CACNA2D3: variants seen among roughly 807,000 people sequenced by gnomAD.
CACNA2D3 encodes the protein calcium voltage-gated channel auxiliary subunit alpha2delta 3.
A neutral mutation model predicts 160.6 loss-of-function variants in CACNA2D3; 60 were observed. That is an observed-to-expected ratio of 0.37 (90% CI 0.30 to 0.46). CACNA2D3 has a LOEUF of 0.46. Among genes scored for constraint, CACNA2D3 ranks in the 20% least tolerant of loss-of-function variants. The probability of loss-of-function intolerance (pLI) is 1.00; values close to 1 mark genes in which losing one functional copy is unlikely to be tolerated. For missense variants in CACNA2D3, 1,205 were observed against 1,365.0 expected (o/e 0.88, Z 1.85); for synonymous variants, 558 against 492.9 (o/e 1.13, Z -1.75).
At chr3:55,058,074 A>G (rs1704409591) in intron 35 of CACNA2D3, among the ~76,000 whole-genome samples, 1 of 152,174 alleles carries the variant, frequency 6.6e-6, no homozygotes, top group African/African-American at 2.4e-5. Flanking sequence ...TCTCTCTTCA[A>G]ACGTCTTCCT....
intron 11 of CACNA2D3, among the ~76,000 whole-genome samples, chr3:54,678,397 A>G (rs1700279875): frequency 6.6e-6 from 1 of 152,124 alleles, no homozygotes. Context: ...CTGAAATTCT[A>G]ACCACACCTG....
At chr3:54,439,653 G>A (rs56027715) in intron 4 of CACNA2D3, among the ~76,000 whole-genome samples, 2 of 152,114 alleles carry the variant, frequency 1.3e-5, no homozygotes, top group South Asian at 2.1e-4. Flanking sequence ...GTGCTACCAC[G>A]CCTGGTTCAA....
At chr3:54,766,953 C>T (rs1043733903) in intron 13 of CACNA2D3, among the ~76,000 whole-genome samples, 1 of 149,128 alleles carries the variant, frequency 6.7e-6, no homozygotes, top group African/African-American at 2.5e-5. Context: ...AAAGAAAAAG[C>T]AAAAACAAGA....
intron 27 of CACNA2D3, among the ~76,000 whole-genome samples, chr3:54,943,203 TAAAAAA>T (rs34708598): frequency 1.4e-5 from 2 of 142,118 alleles, no homozygotes; most frequent in Non-Finnish European, 3.1e-5. Context: ...CTATCTCTGG[TAAAAAA>T]AAAAAAAATG....
chr3:54,509,608 C>T (rs950833136), intron 5 of CACNA2D3, among the ~76,000 whole-genome samples: 24 of 152,114 alleles, frequency 1.6e-4, no homozygotes, highest in Admixed American at 6.5e-5. Flanking sequence ...TCTGTTGGTA[C>T]CTACAGTCCT....
chr3:54,782,931 A>G (rs1411798616), intron 13 of CACNA2D3, among the ~76,000 whole-genome samples: 1 of 152,202 alleles, frequency 6.6e-6, no homozygotes, highest in African/African-American at 2.4e-5. Flanking sequence ...ATTATGGGGC[A>G]GGTAAAACGC....
intron 2 of CACNA2D3, among the ~76,000 whole-genome samples, chr3:54,221,868 A>C (rs1056532674): frequency 6.6e-6 from 1 of 151,764 alleles, no homozygotes; most frequent in East Asian, 1.9e-4. Context: ...TATTTTTTTG[A>C]GATGAGGCAT....
chr3:54,740,881 T>A (rs900206634), intron 11 of CACNA2D3, among the ~76,000 whole-genome samples: 1 of 152,208 alleles, frequency 6.6e-6, no homozygotes, highest in Admixed American at 6.5e-5. Context: ...GAGAATGATT[T>A]GGGCAGAATC....
chr3:54,683,480 G>A (rs1700390305), intron 11 of CACNA2D3, among the ~76,000 whole-genome samples: 1 of 152,224 alleles, frequency 6.6e-6, no homozygotes, highest in African/African-American at 2.4e-5. Flanking sequence ...TGTTAGCCCT[G>A]TGACAGTGGA....
chr3:54,813,058 G>C (rs930926484), intron 13 of CACNA2D3, among the ~76,000 whole-genome samples: 8 of 152,158 alleles, frequency 5.3e-5, no homozygotes, highest in African/African-American at 1.9e-4. Context: ...GTTTGAATGT[G>C]AAGTGTCACC....
chr3:54,669,681 A>G (rs1427774), intron 11 of CACNA2D3, among the ~76,000 whole-genome samples: 25,707 of 152,130 alleles, frequency 0.17, 2,474 homozygotes, highest in Non-Finnish European at 0.21. Context: ...CAAATACTGC[A>G]TTAGAGAAAG....
At chr3:54,302,007 C>A (rs1340888758) in intron 2 of CACNA2D3, among the ~76,000 whole-genome samples, 1 of 152,200 alleles carries the variant, frequency 6.6e-6, no homozygotes, top group Admixed American at 6.5e-5. Flanking sequence ...AACAATTATA[C>A]AGGAAACTTT....
At chr3:54,795,556 C>A (rs1431027589) in intron 13 of CACNA2D3, among the ~76,000 whole-genome samples, 1 of 152,126 alleles carries the variant, frequency 6.6e-6, no homozygotes. Flanking sequence ...AGTTAACTTA[C>A]CTATATATCA....
chr3:54,154,138 G>A (rs1488604705), intron 2 of CACNA2D3, among the ~76,000 whole-genome samples: 1 of 152,140 alleles, frequency 6.6e-6, no homozygotes, highest in East Asian at 1.9e-4. Flanking sequence ...TAATTTTAAC[G>A]CTCTTTTACA....
chr3:54,405,564 A>G (rs1012493421), intron 4 of CACNA2D3, among the ~76,000 whole-genome samples: 5 of 152,084 alleles, frequency 3.3e-5, no homozygotes, highest in African/African-American at 1.2e-4. Flanking sequence ...ACAAAAATCA[A>G]CTCAAAATGG....
Position 54,969,853 on chromosome 3 carries a change from G to A in CACNA2D3, c.2556+9G>A, listed in dbSNP as rs762954881. On this transcript the variant is annotated intron_variant, in intron 29 of 37. Coordinates refer to ENST00000474759, the MANE Select transcript of CACNA2D3 (RefSeq NM_018398.3). ...TCAGCTGTGATGATGAGGTAAGACG[G>A]CCTCCTGGTCCTGTTTCTACCCCTG... 25 of 1,612,422 alleles carry A rather than the reference G, an allele frequency of 1.6e-5. No individual in the cohort carries two copies. In the South Asian group the frequency reaches 2.6e-4, roughly 17 times the overall value.
intron 2 of CACNA2D3, among the ~76,000 whole-genome samples, chr3:54,303,818 G>GTTTTTTGTTTTGTTTTTTTTTT (rs59534343): frequency 8.7e-6 from 1 of 115,006 alleles, no homozygotes; most frequent in Non-Finnish European, 1.7e-5. Context: ...CTTTTTTTCT[G>GTTTTTTGTTTTGTTTTTTTTTT]TTTTTTTTTT....
At chr3:54,195,573 T>C (rs930299354) in intron 2 of CACNA2D3, among the ~76,000 whole-genome samples, 6 of 152,198 alleles carry the variant, frequency 3.9e-5, no homozygotes, top group Admixed American at 3.9e-4. Context: ...CTTTTGTAAA[T>C]GTGGAAAGTG....
At chr3:54,692,919 A>G (rs1272750307) in intron 11 of CACNA2D3, among the ~76,000 whole-genome samples, 1 of 152,144 alleles carries the variant, frequency 6.6e-6, no homozygotes, top group East Asian at 1.9e-4. Flanking sequence ...AAAGCCATTT[A>G]GTTTTTGCTT....
Sources: gnomAD v4.1 joint callset for allele counts (sites outside exome capture counted in the v4.1 genomes callset) on GRCh38, gnomAD v4.1.1 for gene constraint, MANE v1.5 for transcripts, NCBI Gene and HGNC (gene_info 2026-07-23, HGNC 2026-07-21) for gene names.